BEND4: variants seen among roughly 807,000 people sequenced by gnomAD.
BEND4 encodes the protein BEN domain-containing protein 4.
In BEND4, 27 loss-of-function variants were observed where a neutral mutation model predicts 54.7. The ratio of observed to expected loss-of-function variants is 0.49; its 90% CI spans 0.36 to 0.68. The LOEUF (loss-of-function observed/expected upper bound fraction) is 0.68, where lower values mean the gene tolerates loss of function less well. BEND4 is among the 30% of genes least tolerant of loss of function. The pLI is 0.00. For missense variants in BEND4, 702 were observed against 697.2 expected (o/e 1.01, Z -0.08); for synonymous variants, 327 against 299.5 (o/e 1.09, Z -0.95).
chr4:42,146,864 C>T (rs1406934046), intron 2 of BEND4, among the ~76,000 whole-genome samples: 2 of 152,078 alleles, frequency 1.3e-5, no homozygotes, highest in East Asian at 1.9e-4. Flanking sequence ...TGTTCAGTGT[C>T]CTACAACACA....
rs1425663925 is a variant in BEND4, at chr4:42,151,832, G to A, written c.312C>T (p.Cys104=). ...AAAASSSSPS[C]TPATSQGHLR... ...AGTGGCCCTGGGATGTGGCGGGCGT[G>A]CAGGACGGCGACGACGACGAAGCGG... Residue 104 remains cysteine, a synonymous_variant, in exon 2 of 6, where the codon TGC becomes TGT. Transcript: ENST00000502486. 1.1e-5 allele frequency: 15 copies of A among 1,377,502 alleles called. No homozygotes were observed. Among genetic ancestry groups the A allele is most frequent in the Admixed American group, 3.8e-5 (1 of 26,058 alleles). The allele number at this position is 1,377,502 out of a possible 1,614,324, so 85.3% of individuals were successfully genotyped here. A position where few individuals can be genotyped will look rare whatever the true frequency, so the allele number is the denominator to read the frequency against.
intron 4 of BEND4, among the ~76,000 whole-genome samples, chr4:42,123,890 C>T (rs553032929): frequency 2.0e-5 from 3 of 152,132 alleles, no homozygotes; most frequent in South Asian, 4.2e-4. Context: ...GGGGCCTTTA[C>T]TGAAAACAGG....
rs1026391016 is a variant in BEND4, at chr4:42,111,756, T to C, written c.*5762A>G. On this transcript the variant is annotated 3_prime_UTR_variant, in exon 6 of 6. Transcript: ENST00000502486. ...CAAACGTGAAAAGTGAATTGAACGT[T>C]GGCTACCTGATGCCCCGGTGCTATT... is the stretch of plus-strand genomic sequence containing the variant. 1 of 152,226 alleles carries C rather than the reference T, an allele frequency of 6.6e-6. No homozygotes were observed. The highest frequency in any genetic ancestry group is 1.5e-5 in the Non-Finnish European group (1 of 68,044). The allele number at this position is 152,226 out of a possible 1,614,324, so 9.4% of individuals were successfully genotyped here.
chr4:42,125,618 G>T lies in BEND4; in HGVS notation c.1111C>A (p.Leu371Ile). 1 of 1,613,872 alleles carries T rather than the reference G, an allele frequency of 6.2e-7. No individual in the cohort carries two copies. The highest frequency in any genetic ancestry group is 1.1e-5 in the South Asian group (1 of 91,042). ...LKMVLQHHNQ[L>I]LIPQPADQPT... ...TGGTCAGCTGGCTGTGGTATCAGGA[G>T]TTGGTTGTGGTGCTGCAGAACCATC... Residue 371 changes from leucine to isoleucine, a missense_variant, in exon 4 of 6, where the codon CTC becomes ATC. Transcript: ENST00000502486.
intron 2 of BEND4, among the ~76,000 whole-genome samples, chr4:42,150,007 G>A (rs1257727801): frequency 6.6e-6 from 1 of 152,196 alleles, no homozygotes; most frequent in Non-Finnish European, 1.5e-5. Context: ...CAATGAAAAT[G>A]ATGGAACTGA....
intron 3 of BEND4, among the ~76,000 whole-genome samples, chr4:42,139,860 T>C (rs937476099): frequency 1.1e-4 from 17 of 152,210 alleles, no homozygotes; most frequent in African/African-American, 3.1e-4. Flanking sequence ...TGGGGTCCTG[T>C]TGAGACCACT....
intron 4 of BEND4, among the ~76,000 whole-genome samples, chr4:42,122,202 G>C (rs1185824375): frequency 6.6e-6 from 1 of 152,182 alleles, no homozygotes; most frequent in African/African-American, 2.4e-5. Context: ...TCTCCTCACA[G>C]GTGGAGGTAC....
At chr4:42,145,531 C>A (rs1458857849) in intron 2 of BEND4, among the ~76,000 whole-genome samples, 4 of 151,594 alleles carry the variant, frequency 2.6e-5, no homozygotes, top group East Asian at 3.9e-4. Flanking sequence ...GTCTCTACTA[C>A]AAATACAAAA....
chr4:42,114,928 T>G lies in BEND4; in HGVS notation c.*2590A>C, dbSNP rs78796792. On this transcript the variant is annotated 3_prime_UTR_variant, in exon 6 of 6. Coordinates refer to ENST00000502486, the MANE Select transcript of BEND4 (RefSeq NM_207406.4). ...CACGGCCTCAGTGGCGGCTAGTGCC[T>G]GCGTCAGACGCTAGGCTTGGCTAAA... The G allele has an allele frequency of 6.6e-6, 1 of 152,388 alleles. No individual in the cohort carries two copies. The allele number at this position is 152,388 out of a possible 1,614,324, so 9.4% of individuals were successfully genotyped here.
intron 3 of BEND4, among the ~76,000 whole-genome samples, chr4:42,128,929 C>G (rs1478028335): frequency 6.6e-6 from 1 of 152,038 alleles, no homozygotes; most frequent in Non-Finnish European, 1.5e-5. Flanking sequence ...GAATGAGACT[C>G]CATCTCCCAA....
rs559456393 is a variant in BEND4, at chr4:42,116,270, G to A, written c.*1248C>T. ...TAGTAATCTGGACTAGTTTGGTAAA[G>A]AAAGCCTCTCCTGAGTCCAAACAGG... On this transcript the variant is annotated 3_prime_UTR_variant, in exon 6 of 6. Coordinates refer to ENST00000502486, the MANE Select transcript of BEND4 (RefSeq NM_207406.4). 1 of 152,284 alleles carries A rather than the reference G, an allele frequency of 6.6e-6. No homozygotes were observed. The highest frequency in any genetic ancestry group is 2.1e-4 in the South Asian group (1 of 4,826). 9.4% of individuals were successfully genotyped at this position (152,284 alleles called of 1,614,324 possible).
intron 3 of BEND4, among the ~76,000 whole-genome samples, chr4:42,129,899 A>G (rs1270727420): frequency 6.6e-6 from 1 of 152,244 alleles, no homozygotes; most frequent in Non-Finnish European, 1.5e-5. Flanking sequence ...GCAAAAATTG[A>G]CAGATAGGAT....
chr4:42,143,411 G>T lies in BEND4; in HGVS notation c.1054+17C>A, dbSNP rs1459016853. On this transcript the variant is annotated intron_variant, in intron 3 of 5. Transcript: ENST00000502486. ...AAGAAGGGTTGCAGTTGTCTTGCAA[G>T]GAATATGGCAGGATACCTGGGATGC... is the stretch of plus-strand genomic sequence containing the variant. 1.3e-6 allele frequency: 2 copies of T among 1,544,756 alleles called. No homozygotes were observed. The highest frequency in any genetic ancestry group is 1.8e-6 in the Non-Finnish European group (2 of 1,140,758).
Position 42,116,127 on chromosome 4 carries a change from G to C in BEND4, c.*1391C>G, listed in dbSNP as rs1207297524. 2.6e-5 allele frequency: 4 copies of C among 152,150 alleles called. No individual in the cohort carries two copies. Among genetic ancestry groups the C allele is most frequent in the African/African-American group, 4.8e-5 (2 of 41,422 alleles). The allele number at this position is 152,150 out of a possible 1,614,324, so 9.4% of individuals were successfully genotyped here. ...AATAGCCCAAAAACCCTTTATCAAT[G>C]GATGCTCATTAACCTGAATCTCCAA... On this transcript the variant is annotated 3_prime_UTR_variant, in exon 6 of 6. Transcript: ENST00000502486.
chr4:42,117,194 C>G lies in BEND4; in HGVS notation c.*324G>C. ...TACCCCAGCCTACCTTGGGGACTAT[C>G]TCTGCCCAGGTAGCAGAGTTTGAAG... On this transcript the variant is annotated 3_prime_UTR_variant, in exon 6 of 6. Coordinates refer to ENST00000502486, the MANE Select transcript of BEND4 (RefSeq NM_207406.4). The G allele has an allele frequency of 4.8e-6, 1 of 206,204 alleles. No homozygotes were observed. The allele number at this position is 206,204 out of a possible 1,614,324, so 12.8% of individuals were successfully genotyped here. A position where few individuals can be genotyped will look rare whatever the true frequency, so the allele number is the denominator to read the frequency against.
At chr4:42,139,026 CTA>C (rs1339627725) in intron 3 of BEND4, among the ~76,000 whole-genome samples, 2 of 152,130 alleles carry the variant, frequency 1.3e-5, no homozygotes, top group Non-Finnish European at 2.9e-5. Context: ...TTAGTGTTGA[CTA>C]AGCTTCCTAA....
At chr4:42,135,814 A>G (rs1055546714) in intron 3 of BEND4, among the ~76,000 whole-genome samples, 1 of 152,136 alleles carries the variant, frequency 6.6e-6, no homozygotes, top group Non-Finnish European at 1.5e-5. Flanking sequence ...AAACATTCCT[A>G]GAGTATTATT....
intron 2 of BEND4, among the ~76,000 whole-genome samples, chr4:42,149,141 A>G (rs1721174639): frequency 6.6e-6 from 1 of 152,294 alleles, no homozygotes; most frequent in East Asian, 1.9e-4. Flanking sequence ...GTAGCCTGAA[A>G]CACAGCAATT....
intron 4 of BEND4, among the ~76,000 whole-genome samples, chr4:42,122,344 C>T (rs1447030652): frequency 1.3e-5 from 2 of 152,082 alleles, no homozygotes; most frequent in Non-Finnish European, 2.9e-5. Context: ...AGCCGTCTCC[C>T]ACCAGAAAAA....
Sources: allele counts gnomAD v4.1 joint callset (sites outside exome capture counted in the v4.1 genomes callset), GRCh38; gene constraint gnomAD v4.1.1; transcripts MANE v1.5; gene names NCBI Gene and HGNC (gene_info 2026-07-23, HGNC 2026-07-21).